TTN: variants seen among roughly 807,000 people sequenced by gnomAD.
TTN encodes the protein connectin.
In TTN, 1,525 loss-of-function variants were observed where a neutral mutation model predicts 3,223.0. The observed-to-expected ratio is 0.47, with a 90% CI of 0.45 to 0.49. The LOEUF is 0.49. Ranked by LOEUF, TTN falls within the 20% of genes least tolerant of loss-of-function variation. The pLI is 0.00. For synonymous variants in TTN, 14,094 were observed against 15,161.0 expected (o/e 0.93, Z 5.17); for missense variants, 40,786 against 43,424.0 (o/e 0.94, Z 5.40).
intron 49 of TTN, among the ~76,000 whole-genome samples, chr2:178,736,793 G>T (rs1391213234): frequency 2.0e-5 from 3 of 152,122 alleles, no homozygotes; most frequent in Non-Finnish European, 4.4e-5. Flanking sequence ...TCATGTACTT[G>T]GTTTTATGGA....
intron 96 of TTN, 47 bp downstream of exon 96, chr2:178,711,897 G>A (rs762871579): frequency 6.6e-7 from 1 of 1,521,860 alleles, no homozygotes; most frequent in Non-Finnish European, 8.8e-7. Flanking sequence ...TTTAAATCTT[G>A]TTCAAAAGAA....
rs146400809 is a variant in TTN at position 178,685,261 on chromosome 2, G to A, written c.32462C>T (p.Pro10821Leu). The A allele has an allele frequency of 6.5e-4, 1,009 of 1,547,046 alleles. 2 individuals carry two copies. Among genetic ancestry groups the A allele is most frequent in the East Asian group, 4.7e-3 (192 of 41,178 alleles). ...KIPAKIEEPP[P>L]AKVPEAPKKI... The stretch of plus-strand genomic sequence containing the variant: ...TTTGAAAGAAATCATACCTTTAGCC[G>A]GTGGAGGCTCCTCTATTTTAGCAGG... Residue 10821 changes from proline to leucine, a missense_variant, in exon 129 of 363, where the codon CCG becomes CTG. Pro to Leu is a moderately conservative substitution (Grantham distance 98, BLOSUM62 -3). Transcript: ENST00000589042.
intron 241 of TTN, among the ~76,000 whole-genome samples, chr2:178,625,008 T>C (rs1403832203): frequency 6.6e-6 from 1 of 151,818 alleles, no homozygotes; most frequent in Non-Finnish European, 1.5e-5. Flanking sequence ...TAATAATTCT[T>C]CCTCCAGCTG....
chr2:178,734,192 C>T, intron 52 of TTN, 136 bp downstream of exon 52: 1 of 1,090,468 alleles, frequency 9.2e-7, no homozygotes, highest in Non-Finnish European at 1.3e-6. Flanking sequence ...ACTTTGTTCC[C>T]AAGGTCCCAG....
In TTN at chr2:178,588,760, A is replaced by G. The variant is rs1338725751; in HGVS notation, c.62965T>C (p.Tyr20989His). 6.2e-7 allele frequency: 1 copy of G among 1,613,212 alleles called. No homozygotes were observed. The highest frequency in any genetic ancestry group is 2.2e-5 in the East Asian group (1 of 44,706). ...CCAGTTATAGACTTTCCACCATCAT[A>G]TTCAGGTGGATTCCAAACCACAGTC... ...EMTVVWNPPEYDGGKSITGYF... is the reference protein window; with the variant it reads ...EMTVVWNPPEHDGGKSITGYF... The change falls in exon 304 of 363, where the codon TAT becomes CAT. Residue 20989 changes from tyrosine (Y) to histidine (H), a missense_variant. Transcript: ENST00000589042.
At position 178,571,626 on chromosome 2, in the gene TTN, C is replaced by A. The variant is rs759645630; in HGVS notation, c.74506G>T (p.Asp24836Tyr). The A allele has an allele frequency of 6.2e-7, 1 of 1,613,298 alleles. No homozygotes were observed. Among genetic ancestry groups the A allele is most frequent in the East Asian group, 2.2e-5 (1 of 44,694 alleles). ...TAATTATTGATAGAACTTCCACCATCATACTTGGGTGGGCCCCAGGAAAGA... is the reference window on the plus strand; with the variant it reads ...TAATTATTGATAGAACTTCCACCATAATACTTGGGTGGGCCCCAGGAAAGA... ...ITLSWGPPKY[D>Y]GGSSINNYIV... The change falls in exon 326 of 363, where the codon GAT (aspartate) becomes TAT (tyrosine). Residue 24836 changes from aspartate (D) to tyrosine (Y), a missense_variant. Asp to Tyr is a radical substitution (Grantham distance 160). Coordinates refer to ENST00000589042, the MANE Select transcript of TTN (RefSeq NM_001267550.2).
rs1379558082 is a variant in TTN, at chr2:178,608,995, A to G, written c.52103-87T>C. Reference sequence around the variant, plus strand: ...ATAAATGTGAGCATGCTCCTCTGACATGATTTGTGGTTTTCCCACATCTAT... The same window carrying G: ...ATAAATGTGAGCATGCTCCTCTGACGTGATTTGTGGTTTTCCCACATCTAT... On this transcript the variant is annotated intron_variant, in intron 273 of 362. Coordinates refer to ENST00000589042, the MANE Select transcript of TTN (RefSeq NM_001267550.2). 10 of 1,497,320 alleles carry G rather than the reference A, an allele frequency of 6.7e-6. No homozygotes were observed. The East Asian group carries it at 2.3e-4, about 34-fold the overall frequency. 92.8% of individuals were successfully genotyped at this position (1,497,320 alleles called of 1,614,324 possible). A position where few individuals can be genotyped will look rare whatever the true frequency, so the allele number is the denominator to read the frequency against.
In TTN at chr2:178,592,857, C is replaced by G; in HGVS notation, c.59262G>C (p.Lys19754Asn). ...VTGLRDGQTY[K>N]FRVLAVNAAG... ...CTGCATTGACTGCTAACACTCTAAACTTATAGGTTTGACCGTCCCGAAGAC... is the reference window on the plus strand; with the variant it reads ...CTGCATTGACTGCTAACACTCTAAAGTTATAGGTTTGACCGTCCCGAAGAC... The change falls in exon 300 of 363, where the codon AAG becomes AAC. Residue 19754 changes from lysine to asparagine, a missense_variant. Physicochemically the swap from Lys to Asn is moderately conservative, Grantham distance 94. Coordinates refer to ENST00000589042, the MANE Select transcript of TTN (RefSeq NM_001267550.2). 6.2e-7 allele frequency: 1 copy of G among 1,613,494 alleles called. No homozygotes were observed.
intron 11 of TTN, 150 bp from the exon 12 acceptor site, chr2:178,790,265 T>C: frequency 1.2e-6 from 1 of 843,824 alleles, no homozygotes; most frequent in Non-Finnish European, 1.8e-6. Context: ...GTTACTTTGA[T>C]CATCCATACT....
In TTN at chr2:178,671,359, A is replaced by AAC. The variant is rs145546236; in HGVS notation, c.35228-191_35228-190dup. ...ATATTGTAATTTGCTATATATGCTAAACACACACACACACACATTCCTTCA... is the reference window on the plus strand; with the variant it reads ...ATATTGTAATTTGCTATATATGCTAAACACACACACACACACACATTCCTTCA... On this transcript the variant is annotated intron_variant, in intron 155 of 362. Transcript: ENST00000589042. 4.8e-4 allele frequency among the ~76,000 whole-genome samples: 72 copies of AAC among 150,864 alleles called. 1 individual carries two copies. Among genetic ancestry groups the AAC allele is most frequent in the East Asian group, 1.2e-3 (6 of 5,146 alleles).
At position 178,584,498 on chromosome 2, in the gene TTN, T is replaced by C. The variant is rs1335760990; in HGVS notation, c.65053A>G (p.Ser21685Gly). The change falls in exon 311 of 363, where the codon AGT becomes GGT. Residue 21685 changes from serine to glycine, a missense_variant. By Grantham distance (56) the Ser-to-Gly change is moderately conservative (BLOSUM62 0). Transcript: ENST00000589042. ...CIFVAWDRPD[S>G]DGGSPIIGYL... is the part of the protein sequence containing the mutation. ...CCAATAATGGGGCTCCCTCCATCAC[T>C]ATCTGGTCTGTCCCAAGCAACAAAA... is the stretch of plus-strand genomic sequence containing the variant. 2 of 1,613,256 alleles carry C rather than the reference T, an allele frequency of 1.2e-6. No individual in the cohort carries two copies. The highest frequency in any genetic ancestry group is 2.2e-5 in the South Asian group (2 of 91,058).
Position 178,608,457 on chromosome 2 carries a change from T to C in TTN, c.52426A>G (p.Lys17476Glu), listed in dbSNP as rs766412743. 1.9e-6 allele frequency: 3 copies of C among 1,600,806 alleles called. No homozygotes were observed. Among genetic ancestry groups the C allele is most frequent in the Non-Finnish European group, 2.6e-6 (3 of 1,173,592 alleles). ...CTGGTAACATCTTCCACAATGGGCT[T>C]ATCTGGTGCATCAGGTGGTCCTGAT... Reference protein sequence around the residue: ...DPFGPPDAPDKPIVEDVTSNS... With the variant: ...DPFGPPDAPDEPIVEDVTSNS... Residue 17476 changes from lysine (K) to glutamate (E), a missense_variant, in exon 275 of 363, where the codon AAG (lysine) becomes GAG (glutamate). Lys to Glu is a moderately conservative substitution (Grantham distance 56). Coordinates refer to ENST00000589042, the MANE Select transcript of TTN (RefSeq NM_001267550.2).
At position 178,546,431 on chromosome 2, in the gene TTN, C is replaced by G. The variant is rs762250254; in HGVS notation, c.94900G>C (p.Val31634Leu). 1 of 1,613,746 alleles carries G rather than the reference C, an allele frequency of 6.2e-7. No homozygotes were observed. Among genetic ancestry groups the G allele is most frequent in the Non-Finnish European group, 8.5e-7 (1 of 1,179,754 alleles). The change falls in exon 342 of 363, where the codon GTT (valine) becomes CTT (leucine). Residue 31634 changes from valine to leucine, a missense_variant. Transcript: ENST00000589042. ...LVTIRAGSDLVLDAAVGGKPE... is the reference protein window; with the variant it reads ...LVTIRAGSDLLLDAAVGGKPE... The stretch of plus-strand genomic sequence containing the variant: ...TTGCCACCAACTGCAGCATCCAGAA[C>G]AAGATCAGAACCTGCTCTGATGGTA...
chr2:178,583,653 G>A lies in TTN; in HGVS notation c.65529C>T (p.Ser21843=), dbSNP rs954110074. 1.1e-5 allele frequency: 18 copies of A among 1,611,716 alleles called. No individual in the cohort carries two copies. Among genetic ancestry groups the A allele is most frequent in the Non-Finnish European group, 1.4e-5 (17 of 1,178,908 alleles). The change falls in exon 312 of 363, where the codon AGC becomes AGT. Residue 21843 remains serine, a synonymous_variant. Transcript: ENST00000589042. ...CTGGATCAGAAGGTTCAGAAGGTGG[G>A]CTAATGTTTACCGCGGTCCTGGCAA... ...RAIARTAVNI[S]PPSEPSDPVT...
chr2:178,601,201 C>A (rs370487706), intron 287 of TTN, 30 bp from the exon 288 acceptor site: 2 of 1,519,586 alleles, frequency 1.3e-6, no homozygotes, highest in South Asian at 2.7e-5. Flanking sequence ...AAGTATTAAG[C>A]GTTGTTTATA....
At chr2:178,698,938 AAAAG>A in intron 111 of TTN, 24 bp from the exon 112 acceptor site, 1 of 1,487,386 alleles carries the variant, frequency 6.7e-7, no homozygotes, top group Non-Finnish European at 8.9e-7. Context: ...AAAAGAAAAA[AAAAG>A]AAAAAATATT....
Position 178,649,557 on chromosome 2 carries a change from T to C in TTN, c.39970A>G (p.Lys13324Glu). ...TVKKPETPAA[K>E]VPEVPKKLVP... ...ATGCCAACGATGAAGTGAATACCTT[T>C]AGCTGCTGGTGTTTCTGGCTTCTTA... Residue 13324 changes from lysine (K) to glutamate (E), a missense_variant, in exon 212 of 363, where the codon AAA (lysine) becomes GAA (glutamate). Coordinates refer to ENST00000589042, the MANE Select transcript of TTN (RefSeq NM_001267550.2). 6.5e-7 allele frequency: 1 copy of C among 1,549,764 alleles called. No individual in the cohort carries two copies.
At chr2:178,691,841 A>C (rs766016005) in intron 121 of TTN, among the ~76,000 whole-genome samples, 175 bp downstream of exon 121, 2 of 152,216 alleles carry the variant, frequency 1.3e-5, no homozygotes, top group Non-Finnish European at 2.9e-5. Context: ...AGGAATATTC[A>C]GTATAATAAA....
At chr2:178,771,594 A>G (rs1296980060) in intron 33 of TTN, 123 bp from the exon 34 acceptor site, 1 of 1,412,058 alleles carries the variant, frequency 7.1e-7, no homozygotes, top group South Asian at 1.2e-5. Context: ...TGAAATGTCT[A>G]TGATTGTTTT....
Sources: gnomAD v4.1 joint callset for allele counts (sites outside exome capture counted in the v4.1 genomes callset) on GRCh38, gnomAD v4.1.1 for gene constraint, MANE v1.5 for transcripts, NCBI Gene and HGNC (gene_info 2026-07-23, HGNC 2026-07-21) for gene names.